SPPL2A: variants seen among roughly 807,000 people sequenced by gnomAD.
SPPL2A encodes the protein signal peptide peptidase-like 2A.
SPPL2A carries 51 observed loss-of-function variants against 63.8 expected under a neutral mutation model. The ratio of observed to expected loss-of-function variants is 0.80; its 90% confidence interval spans 0.64 to 1.01. The LOEUF is 1.01. SPPL2A is among the 50% of genes least tolerant of loss of function. SPPL2A has a pLI of 0.00. For synonymous variants in SPPL2A, 188 were observed against 205.8 expected, an observed-to-expected ratio of 0.91 and a Z score of 0.74; for missense variants, 553 against 622.7, an observed-to-expected ratio of 0.89 and a Z score of 1.19.
Position 50,747,641 on chromosome 15 carries a change from AT to A in SPPL2A, c.451-14del. ...TATCTCCTAGAGTCTGAAAGGCAAA[AT>A]AACAGTTAAACACAGGAATAACTTT... is the stretch of plus-strand genomic sequence containing the variant. On this transcript the variant is annotated splice_polypyrimidine_tract_variant and intron_variant, in intron 4 of 14. Transcript: ENST00000261854. The A allele has an allele frequency of 6.3e-7, 1 of 1,589,840 alleles. No individual in the cohort carries two copies.
At chr15:50,752,942 C>G (rs1480269652) in intron 1 of SPPL2A, among the ~76,000 whole-genome samples, 1 of 151,978 alleles carries the variant, frequency 6.6e-6, no homozygotes. Context: ...AAAAAATGAG[C>G]AGCATCTATC....
In SPPL2A at chr15:50,765,686, G is replaced by T. The variant is rs907432038; in HGVS notation, c.-153C>A. On this transcript the variant is annotated 5_prime_UTR_variant, in exon 1 of 15. Coordinates refer to ENST00000261854, the MANE Select transcript of SPPL2A (RefSeq NM_032802.4). ...ACGACTGGACCGCCGCTGCTACAGC[G>T]GCCGCCACAGCAGCGCGACTTCCTC... The T allele has an allele frequency of 4.7e-6, 2 of 425,524 alleles. No homozygotes were observed. The highest frequency in any genetic ancestry group is 2.1e-5 in the African/African-American group (1 of 48,580). The allele number at this position is 425,524 out of a possible 1,614,324, so 26.4% of individuals were successfully genotyped here. A position where few individuals can be genotyped will look rare whatever the true frequency, so the allele number is the denominator to read the frequency against.
At chr15:50,746,245 C>T (rs1450833746) in intron 5 of SPPL2A, among the ~76,000 whole-genome samples, 1 of 151,616 alleles carries the variant, frequency 6.6e-6, no homozygotes, top group Admixed American at 6.6e-5. Flanking sequence ...CAAGACCATC[C>T]TGATCAACAT....
intron 11 of SPPL2A, 22 bp from the exon 12 acceptor site, chr15:50,725,345 CA>C (rs2062677939): frequency 8.1e-7 from 1 of 1,237,786 alleles, no homozygotes; most frequent in Non-Finnish European, 1.2e-6. Flanking sequence ...CAAAACAAAA[CA>C]AAACAAAACA....
chr15:50,714,822 A>T (rs1433875274), intron 14 of SPPL2A, among the ~76,000 whole-genome samples: 1 of 151,208 alleles, frequency 6.6e-6, no homozygotes, highest in Non-Finnish European at 1.5e-5. Flanking sequence ...GCATGCCTAT[A>T]ATCCCAGCTA....
At chr15:50,749,599 T>C (rs186797073) in intron 2 of SPPL2A, 37 bp downstream of exon 2, 4 of 1,353,536 alleles carry the variant, frequency 3.0e-6, no homozygotes, top group Admixed American at 3.4e-5. Flanking sequence ...TTCTTCACTA[T>C]TTTTATGTTT....
chr15:50,763,854 C>T (rs2063034367), intron 1 of SPPL2A, among the ~76,000 whole-genome samples: 1 of 152,162 alleles, frequency 6.6e-6, no homozygotes, highest in Admixed American at 6.5e-5. Flanking sequence ...GCCGAGATCG[C>T]GCCACTGCAC....
chr15:50,748,987 A>C, intron 2 of SPPL2A, 117 bp from the exon 3 acceptor site: 1 of 555,008 alleles, frequency 1.8e-6, no homozygotes, highest in East Asian at 3.3e-5. Context: ...CTTTTGAATT[A>C]GAAATATTTA....
chr15:50,752,996 A>G (rs1325286399), intron 1 of SPPL2A, among the ~76,000 whole-genome samples: 1 of 152,194 alleles, frequency 6.6e-6, no homozygotes, highest in African/African-American at 2.4e-5. Flanking sequence ...ATCTACAGAT[A>G]TAGTATGCAA....
intron 14 of SPPL2A, among the ~76,000 whole-genome samples, chr15:50,712,675 C>CA (rs2062568625): frequency 7.5e-6 from 1 of 134,152 alleles, no homozygotes; most frequent in African/African-American, 2.7e-5. Context: ...CTCCCTCCCC[C>CA]CCCCTTTTTT....
chr15:50,717,377 T>C (rs2062606402), intron 14 of SPPL2A, among the ~76,000 whole-genome samples: 1 of 152,170 alleles, frequency 6.6e-6, no homozygotes, highest in Non-Finnish European at 1.5e-5. Flanking sequence ...TCTCACATGT[T>C]GCCCAGGCTG....
At chr15:50,749,936 C>T (rs2062893753) in intron 1 of SPPL2A, 190 bp from the exon 2 acceptor site, 1 of 579,572 alleles carries the variant, frequency 1.7e-6, no homozygotes. Context: ...ACACAATTGC[C>T]CAGCACACCT....
At chr15:50,765,397 A>AAG in intron 1 of SPPL2A, 71 bp downstream of exon 1, 2 of 1,254,676 alleles carry the variant, frequency 1.6e-6, no homozygotes, top group South Asian at 2.9e-5. Context: ...GGAGTAGGGG[A>AAG]AGGGAGCCCC....
At chr15:50,753,386 T>C (rs543467965) in intron 1 of SPPL2A, among the ~76,000 whole-genome samples, 2 of 152,344 alleles carry the variant, frequency 1.3e-5, no homozygotes, top group East Asian at 3.9e-4. Flanking sequence ...TTAAATATCT[T>C]AGTAAAATTT....
In SPPL2A at chr15:50,726,394, AAAG is replaced by A. The variant is rs772388179; in HGVS notation, c.1090-20_1090-18del. 3.7e-6 allele frequency: 6 copies of A among 1,611,098 alleles called. 1 individual carries two copies. The African/African-American group carries it at 6.7e-5, about 18-fold the overall frequency. On this transcript the variant is annotated intron_variant, in intron 10 of 14. Coordinates refer to ENST00000261854, the MANE Select transcript of SPPL2A (RefSeq NM_032802.4). ...CTCACCATTCTAAAATTGAGAAGGAAAAGAAGTTGTCTAATCATTTAAAGAGAA... is the reference window on the plus strand; with the variant it reads ...CTCACCATTCTAAAATTGAGAAGGAAAAGTTGTCTAATCATTTAAAGAGAA...
At chr15:50,761,296 T>C (rs2063009451) in intron 1 of SPPL2A, among the ~76,000 whole-genome samples, 1 of 152,166 alleles carries the variant, frequency 6.6e-6, no homozygotes, top group Non-Finnish European at 1.5e-5. Flanking sequence ...AGACTCAGGA[T>C]TCTTCAAAGA....
At chr15:50,723,111 A>G (rs1266002379) in intron 12 of SPPL2A, among the ~76,000 whole-genome samples, 1 of 152,220 alleles carries the variant, frequency 6.6e-6, no homozygotes, top group Non-Finnish European at 1.5e-5. Context: ...CCACAATGAG[A>G]TATCGCCTTA....
intron 14 of SPPL2A, among the ~76,000 whole-genome samples, chr15:50,717,532 T>A (rs1481750024): frequency 2.0e-5 from 3 of 152,178 alleles, no homozygotes; most frequent in Non-Finnish European, 4.4e-5. Context: ...TTTCTAGATT[T>A]CTTAAAACCT....
chr15:50,720,526 T>G (rs966859439), intron 13 of SPPL2A, among the ~76,000 whole-genome samples: 16 of 151,604 alleles, frequency 1.1e-4, no homozygotes, highest in African/African-American at 3.9e-4. Context: ...TCTTTTTTTT[T>G]TTTTTTTTTC....
Sources: gnomAD v4.1 joint callset for allele counts (sites outside exome capture counted in the v4.1 genomes callset) on GRCh38, gnomAD v4.1.1 for gene constraint, MANE v1.5 for transcripts, NCBI Gene and HGNC (gene_info 2026-07-23, HGNC 2026-07-21) for gene names.